Variants in VEGFC observed in about 807,000 individuals in gnomAD.
The protein encoded by VEGFC is vascular endothelial growth factor C.
A neutral mutation model predicts 46.1 loss-of-function variants in VEGFC; 12 were observed. The observed-to-expected ratio is 0.26, with a 90% CI of 0.17 to 0.42. The LOEUF (loss-of-function observed/expected upper bound fraction) is 0.42. Among genes scored for constraint, VEGFC ranks in the 10% least tolerant of loss-of-function variants. The pLI, the probability that VEGFC is intolerant of heterozygous loss-of-function variation, is 1.00. For missense variants in VEGFC, 488 were observed against 529.4 expected (o/e 0.92, Z 0.77); for synonymous variants, 232 against 195.5 (o/e 1.19, Z -1.56).
At chr4:176,753,779 C>T (rs946065099) in intron 1 of VEGFC, among the ~76,000 whole-genome samples, 11 of 152,032 alleles carry the variant, frequency 7.2e-5, no homozygotes, top group Non-Finnish European at 1.6e-4. Context: ...ATGACTTACT[C>T]ATCATAAATA....
At chr4:176,749,907 T>C (rs1027626785) in intron 1 of VEGFC, among the ~76,000 whole-genome samples, 1 of 151,716 alleles carries the variant, frequency 6.6e-6, no homozygotes, top group East Asian at 1.9e-4. Context: ...CTATAACATA[T>C]TGTGTCTCTT....
intron 1 of VEGFC, among the ~76,000 whole-genome samples, chr4:176,787,431 T>C (rs1579145022): frequency 8.0e-6 from 1 of 124,328 alleles, no homozygotes; most frequent in African/African-American, 3.1e-5. Context: ...CACTCCAGCC[T>C]GGGCAATAGA....
intron 1 of VEGFC, among the ~76,000 whole-genome samples, chr4:176,763,110 C>T (rs1319749113): frequency 2.0e-5 from 3 of 152,314 alleles, no homozygotes; most frequent in South Asian, 2.1e-4. Context: ...CTGTGTGGTT[C>T]GAGCAGACTT....
chr4:176,717,626 CA>C lies in VEGFC; in HGVS notation c.553-5977del, dbSNP rs1408503191. ...TGTTTGTGTGGATACAAATATGACA[CA>C]AAAAATGCCTTCCTTTAAAACACCA... On this transcript the variant is annotated intron_variant, in intron 3 of 6. Transcript: ENST00000618562. 3.3e-5 allele frequency among the ~76,000 whole-genome samples: 5 copies of C among 152,016 alleles called. No homozygotes were observed. The East Asian group carries it at 9.7e-4, about 29-fold the overall frequency.
chr4:176,758,574 T>G (rs1238503556), intron 1 of VEGFC, among the ~76,000 whole-genome samples: 7 of 152,134 alleles, frequency 4.6e-5, no homozygotes, highest in Non-Finnish European at 7.4e-5. Context: ...AGGGAGGATG[T>G]AAGGTACATT....
At chr4:176,712,185 A>G (rs1734631398) in intron 3 of VEGFC, among the ~76,000 whole-genome samples, 1 of 152,192 alleles carries the variant, frequency 6.6e-6, no homozygotes, top group Admixed American at 6.5e-5. Context: ...GTAGTTTTAT[A>G]TGTCTTAGAT....
intron 1 of VEGFC, among the ~76,000 whole-genome samples, chr4:176,743,466 T>C (rs920551981): frequency 5.3e-5 from 8 of 151,770 alleles, no homozygotes; most frequent in African/African-American, 1.9e-4. Flanking sequence ...AGACGGGATG[T>C]ACCATGCACA....
intron 4 of VEGFC, among the ~76,000 whole-genome samples, chr4:176,699,890 G>C (rs1455050517): frequency 1.3e-5 from 2 of 152,176 alleles, no homozygotes; most frequent in Non-Finnish European, 2.9e-5. Context: ...CTTATCTTCT[G>C]TTGTACTGAT....
At chr4:176,773,783 A>G (rs1405776042) in intron 1 of VEGFC, among the ~76,000 whole-genome samples, 1 of 152,104 alleles carries the variant, frequency 6.6e-6, no homozygotes, top group African/African-American at 2.4e-5. Flanking sequence ...CCTAGGTTTG[A>G]GCGATCCTCC....
intron 6 of VEGFC, among the ~76,000 whole-genome samples, chr4:176,686,564 ATAG>A (rs1277415000): frequency 6.6e-6 from 1 of 152,212 alleles, no homozygotes; most frequent in Non-Finnish European, 1.5e-5. Flanking sequence ...TCTGGCTTAA[ATAG>A]TAGGATCAAT....
rs538282941 is a variant in VEGFC at position 176,759,303 on chromosome 4, C to G, written c.148-29557G>C. Among the ~76,000 whole-genome samples, 627 of 151,876 alleles carry G rather than the reference C, an allele frequency of 4.1e-3. 2 individuals carry two copies. The highest frequency in any genetic ancestry group is 5.8e-3 in the Non-Finnish European group (397 of 67,990). On this transcript the variant is annotated intron_variant, in intron 1 of 6. Transcript: ENST00000618562. Reference sequence around the variant, plus strand: ...GTTCAACCATAAAAAAGAAGGAAATCCGGCCATTTGCAAAAAGATGAATAA... The same window carrying G: ...GTTCAACCATAAAAAAGAAGGAAATGCGGCCATTTGCAAAAAGATGAATAA...
chr4:176,777,221 G>T (rs1735828989), intron 1 of VEGFC, among the ~76,000 whole-genome samples: 1 of 152,160 alleles, frequency 6.6e-6, no homozygotes, highest in African/African-American at 2.4e-5. Flanking sequence ...GGAGGCTGAG[G>T]CAGGACAATG....
chr4:176,683,921 C>A lies in VEGFC; in HGVS notation c.*5G>T, dbSNP rs566139415. ...AAAATCGATGAACTGGAAAACAGTA[C>A]AATCTTAGCTCATTTGTGGTCTTTT... On this transcript the variant is annotated 3_prime_UTR_variant, in exon 7 of 7. Coordinates refer to ENST00000618562, the MANE Select transcript of VEGFC (RefSeq NM_005429.5). The A allele has an allele frequency of 9.3e-6, 15 of 1,606,048 alleles. No homozygotes were observed. In the Admixed American group the frequency reaches 1.8e-4, roughly 20 times the overall value.
chr4:176,789,469 A>G (rs748593969), intron 1 of VEGFC, among the ~76,000 whole-genome samples: 7 of 152,254 alleles, frequency 4.6e-5, no homozygotes, highest in Non-Finnish European at 8.8e-5. Context: ...AAAACCTCAT[A>G]TAAGTAGCAT....
At chr4:176,703,122 G>T (rs1019854876) in intron 4 of VEGFC, among the ~76,000 whole-genome samples, 1 of 151,964 alleles carries the variant, frequency 6.6e-6, no homozygotes, top group African/African-American at 2.4e-5. Flanking sequence ...CTGGGGATTT[G>T]GGTTGTATCT....
chr4:176,791,277 G>C (rs577555994), intron 1 of VEGFC, among the ~76,000 whole-genome samples: 1 of 152,068 alleles, frequency 6.6e-6, no homozygotes, highest in Non-Finnish European at 1.5e-5. Flanking sequence ...ACTTCTTTAG[G>C]AACTCTCTTA....
intron 1 of VEGFC, among the ~76,000 whole-genome samples, chr4:176,762,038 C>T (rs910759299): frequency 6.6e-6 from 1 of 152,178 alleles, no homozygotes; most frequent in Non-Finnish European, 1.5e-5. Flanking sequence ...ATCTGTTTCA[C>T]CCCATACCTA....
At chr4:176,775,143 G>T (rs1560963572) in intron 1 of VEGFC, among the ~76,000 whole-genome samples, 1 of 152,100 alleles carries the variant, frequency 6.6e-6, no homozygotes, top group Admixed American at 6.5e-5. Context: ...ACTGCTCCAA[G>T]TAGAAGCAAG....
At chr4:176,718,308 T>C (rs1734728253) in intron 3 of VEGFC, among the ~76,000 whole-genome samples, 1 of 152,108 alleles carries the variant, frequency 6.6e-6, no homozygotes, top group African/African-American at 2.4e-5. Context: ...ATGTAATAAA[T>C]TAATCTTCCA....
Sources: gnomAD v4.1 joint callset for allele counts (sites outside exome capture counted in the v4.1 genomes callset) on GRCh38, gnomAD v4.1.1 for gene constraint, MANE v1.5 for transcripts, NCBI Gene and HGNC (gene_info 2026-07-23, HGNC 2026-07-21) for gene names.